Variants in NEXMIF observed in about 807,000 individuals in gnomAD.
The protein encoded by NEXMIF is XLMR protein related to neurite extension.
Under a neutral mutation model 62.1 loss-of-function variants are expected in NEXMIF, and 8 were observed. The ratio of observed to expected loss-of-function variants is 0.13; its 90% CI spans 0.08 to 0.23. The LOEUF is 0.23. NEXMIF is among the 10% of genes least tolerant of loss of function. The pLI, the probability that NEXMIF is intolerant of heterozygous loss-of-function variation, is 1.00. For synonymous variants in NEXMIF, 404 were observed against 416.6 expected (o/e 0.97, Z 0.37); for missense variants, 976 against 1,113.3 (o/e 0.88, Z 1.75).
At chrX:74,784,295 G>A (rs1028209187) in intron 1 of NEXMIF, among the ~76,000 whole-genome samples, 2 of 111,722 alleles carry the variant, frequency 1.8e-5, no homozygotes, top group Non-Finnish European at 3.8e-5. Context: ...AAACTCCACA[G>A]TGCGTAGTGA....
intron 1 of NEXMIF, among the ~76,000 whole-genome samples, chrX:74,914,134 C>T (rs1026951563): frequency 9.0e-6 from 1 of 111,401 alleles, no homozygotes; most frequent in African/African-American, 3.3e-5. Context: ...GTTAAAGGAA[C>T]TTAAAGAGGG....
intron 1 of NEXMIF, among the ~76,000 whole-genome samples, chrX:74,833,879 G>A (rs1469079650): frequency 9.0e-6 from 1 of 110,611 alleles, no homozygotes; most frequent in Non-Finnish European, 1.9e-5. Flanking sequence ...TGGGTGCGGT[G>A]GCTCATGACT....
intron 1 of NEXMIF, among the ~76,000 whole-genome samples, chrX:74,877,609 C>A (rs1208018825): frequency 9.0e-6 from 1 of 111,463 alleles, no homozygotes; most frequent in Non-Finnish European, 1.9e-5. Context: ...TCCATTCTCC[C>A]CGTCACTTTC....
intron 1 of NEXMIF, among the ~76,000 whole-genome samples, chrX:74,819,244 T>C (rs1025691381): frequency 1.9e-4 from 21 of 111,820 alleles, no homozygotes; most frequent in Non-Finnish European, 3.4e-4. Flanking sequence ...GAAGAAAACC[T>C]AGGCAATACC....
At chrX:74,782,422 G>A (rs1322008772) in intron 1 of NEXMIF, among the ~76,000 whole-genome samples, 1 of 111,284 alleles carries the variant, frequency 9.0e-6, no homozygotes, top group Non-Finnish European at 1.9e-5. Flanking sequence ...AGGAGGTTCA[G>A]GGTCTTAGGT....
At chrX:74,901,287 TTAA>T (rs2080748785) in intron 1 of NEXMIF, among the ~76,000 whole-genome samples, 1 of 112,177 alleles carries the variant, frequency 8.9e-6, no homozygotes, top group African/African-American at 3.2e-5. Flanking sequence ...ACAAAAGTAA[TTAA>T]TGTTTCAGAT....
chrX:74,922,109 T>A (rs1249545212), intron 1 of NEXMIF, among the ~76,000 whole-genome samples: 1 of 111,634 alleles, frequency 9.0e-6, no homozygotes, highest in African/African-American at 3.3e-5. Flanking sequence ...GTGTCCAGGA[T>A]CCATGAACCC....
At chrX:74,904,484 A>C (rs1467966218) in intron 1 of NEXMIF, among the ~76,000 whole-genome samples, 3 of 111,756 alleles carry the variant, frequency 2.7e-5, no homozygotes, top group Admixed American at 1.9e-4. Flanking sequence ...TTTTTGAAAA[A>C]GATGTGCATT....
chrX:74,849,196 T>A (rs1252045758), intron 1 of NEXMIF, among the ~76,000 whole-genome samples: 1 of 111,951 alleles, frequency 8.9e-6, no homozygotes, highest in African/African-American at 3.3e-5. Flanking sequence ...CAAAATAGTA[T>A]TAGAATCACA....
chrX:74,786,999 G>A (rs1471117073), intron 1 of NEXMIF, among the ~76,000 whole-genome samples: 3 of 106,605 alleles, frequency 2.8e-5, no homozygotes, highest in Non-Finnish European at 3.8e-5. Flanking sequence ...AGTGGCTCAC[G>A]CCTGTAATCC....
intron 1 of NEXMIF, among the ~76,000 whole-genome samples, chrX:74,865,166 G>A (rs182013848): frequency 3.4e-4 from 38 of 112,113 alleles, no homozygotes; most frequent in Non-Finnish European, 5.1e-4. Flanking sequence ...TCATAAGAAG[G>A]TAGTAAGATG....
chrX:74,790,979 G>T (rs974738197), intron 1 of NEXMIF, among the ~76,000 whole-genome samples: 1 of 110,694 alleles, frequency 9.0e-6, no homozygotes, highest in African/African-American at 3.3e-5. Context: ...TCCTTCTCCT[G>T]CCTAATTGCC....
At chrX:74,790,521 T>C (rs2147463874) in intron 1 of NEXMIF, among the ~76,000 whole-genome samples, 1 of 111,233 alleles carries the variant, frequency 9.0e-6, no homozygotes, top group East Asian at 2.8e-4. Context: ...AGAAAGTCAT[T>C]GGTAGCTTGA....
At chrX:74,875,072 A>G (rs936655970) in intron 1 of NEXMIF, among the ~76,000 whole-genome samples, 2 of 111,595 alleles carry the variant, frequency 1.8e-5, no homozygotes, top group Non-Finnish European at 3.8e-5. Flanking sequence ...GTCTTGTGCC[A>G]GTTTTCAAAG....
chrX:74,864,074 A>T (rs1311629512), intron 1 of NEXMIF, among the ~76,000 whole-genome samples: 1 of 112,347 alleles, frequency 8.9e-6, no homozygotes, highest in Non-Finnish European at 1.9e-5. Flanking sequence ...CCTTCATGTT[A>T]AAAACTCTCA....
At chrX:74,924,351 T>A (rs2147379678) in intron 1 of NEXMIF, among the ~76,000 whole-genome samples, 1 of 112,420 alleles carries the variant, frequency 8.9e-6, no homozygotes, top group African/African-American at 3.2e-5. Context: ...AACTTAAACC[T>A]GTCCGCAGCC....
intron 1 of NEXMIF, among the ~76,000 whole-genome samples, chrX:74,751,973 A>T (rs2080145689): frequency 9.2e-6 from 1 of 109,272 alleles, no homozygotes; most frequent in Non-Finnish European, 1.9e-5. Context: ...TCCTAAGCTA[A>T]TTTTTGTATT....
intron 1 of NEXMIF, among the ~76,000 whole-genome samples, chrX:74,877,547 G>C (rs1180398288): frequency 1.8e-5 from 2 of 111,436 alleles, no homozygotes; most frequent in African/African-American, 6.5e-5. Context: ...TGCCTTGCTA[G>C]ATTGGGGAAG....
At chrX:74,844,924 C>A (rs2080486921) in intron 1 of NEXMIF, among the ~76,000 whole-genome samples, 1 of 112,065 alleles carries the variant, frequency 8.9e-6, no homozygotes, top group African/African-American at 3.2e-5. Flanking sequence ...ACTAACTAGA[C>A]ATGGATTTTT....
Sources: allele counts gnomAD v4.1 joint callset (sites outside exome capture counted in the v4.1 genomes callset), GRCh38; gene constraint gnomAD v4.1.1; transcripts MANE v1.5; gene names NCBI Gene and HGNC (gene_info 2026-07-23, HGNC 2026-07-21).